The following ADGRV1 variants were observed in gnomAD, a reference collection of about 807,000 sequenced individuals.
ADGRV1 encodes G-protein coupled receptor 98.
Under a neutral mutation model 596.2 loss-of-function variants are expected in ADGRV1, and 359 were observed. The observed-to-expected ratio is 0.60, with a 90% CI of 0.55 to 0.66. ADGRV1 has a LOEUF of 0.66. ADGRV1 is among the 30% of genes least tolerant of loss of function. The probability of loss-of-function intolerance (pLI) is 0.00; values close to 1 mark genes in which losing one functional copy is unlikely to be tolerated. For synonymous variants in ADGRV1, 2,681 were observed against 2,679.2 expected (o/e 1.00, Z -0.02); for missense variants, 7,274 against 7,575.6 (o/e 0.96, Z 1.48).
Position 90,642,927 on chromosome 5 carries a change from A to C in ADGRV1, c.2439A>C (p.Arg813=), listed in dbSNP as rs768849225. The change falls in exon 13 of 90, where the codon CGA becomes CGC. Residue 813 remains arginine, a synonymous_variant. Coordinates refer to ENST00000405460, the MANE Select transcript of ADGRV1 (RefSeq NM_032119.4). ...TTGTTAAGCAGTTTCTACACTACCG[A>C]GTAGAGCCAAGAGATAGCAATGAAT... is the stretch of plus-strand genomic sequence containing the variant. The part of the protein sequence containing the change: ...GSLVKQFLHY[R]VEPRDSNEFY... 2 of 1,613,086 alleles carry C rather than the reference A, an allele frequency of 1.2e-6. No individual in the cohort carries two copies.
chr5:90,935,750 G>A (rs879921082), intron 83 of ADGRV1, among the ~76,000 whole-genome samples: 3 of 152,156 alleles, frequency 2.0e-5, no homozygotes, highest in African/African-American at 4.8e-5. Flanking sequence ...CATATGACTC[G>A]AGGCAGTGTT....
intron 72 of ADGRV1, among the ~76,000 whole-genome samples, chr5:90,807,232 A>G (rs1761993439): frequency 1.3e-5 from 2 of 152,332 alleles, no homozygotes; most frequent in South Asian, 2.1e-4. Context: ...TACATAGATT[A>G]TGATATTTCA....
rs375133154 is a variant in ADGRV1, at chr5:91,031,199, A to G, written c.18153-41248A>G. On this transcript the variant is annotated intron_variant, in intron 85 of 89. Coordinates refer to ENST00000405460, the MANE Select transcript of ADGRV1 (RefSeq NM_032119.4). ...CAAAAAGGCAAGAAGAGTAATCGAG[A>G]TTTCCAGGAGTGTGTCCATGTGGTT... is the stretch of plus-strand genomic sequence containing the variant. The G allele has an allele frequency of 5.2e-6, 8 of 1,537,970 alleles. No homozygotes were observed. The African/African-American group carries it at 6.9e-5, about 13-fold the overall frequency.
At chr5:90,641,816 A>G (rs1767007469) in intron 11 of ADGRV1, among the ~76,000 whole-genome samples, 1 of 152,188 alleles carries the variant, frequency 6.6e-6, no homozygotes, top group African/African-American at 2.4e-5. Context: ...ATAATTCTTA[A>G]GAGCCTGCTG....
rs1161111584 is a variant in ADGRV1, at chr5:90,923,543, T to A, written c.17857-41872T>A. ...GGGGCTCACACACCTCAGACTCTTG[T>A]AGAAGAAAAAAATCAAACAAAACAA... On this transcript the variant is annotated intron_variant, in intron 83 of 89. Transcript: ENST00000405460. 2.0e-5 allele frequency among the ~76,000 whole-genome samples: 3 copies of A among 152,170 alleles called. No individual in the cohort carries two copies. In the East Asian group the frequency reaches 5.8e-4, roughly 29 times the overall value.
At chr5:90,928,478 TC>T (rs1308790750) in intron 83 of ADGRV1, among the ~76,000 whole-genome samples, 1 of 150,358 alleles carries the variant, frequency 6.7e-6, no homozygotes, top group Non-Finnish European at 1.5e-5. Context: ...GGTTTTCAGC[TC>T]CATCAGCTCC....
intron 83 of ADGRV1, among the ~76,000 whole-genome samples, chr5:90,869,269 C>A (rs557339063): frequency 6.6e-6 from 1 of 152,132 alleles, no homozygotes; most frequent in African/African-American, 2.4e-5. Flanking sequence ...AGAACAAGAA[C>A]AAAGACATCT....
At chr5:90,848,934 C>A in intron 79 of ADGRV1, 113 bp downstream of exon 79, 2 of 703,654 alleles carry the variant, frequency 2.8e-6, no homozygotes, top group South Asian at 2.2e-5. Flanking sequence ...ATGATACAGT[C>A]AATGCATTGT....
At chr5:90,682,439 G>C (rs1745064124) in intron 27 of ADGRV1, among the ~76,000 whole-genome samples, 2 of 152,136 alleles carry the variant, frequency 1.3e-5, no homozygotes, top group Admixed American at 6.5e-5. Flanking sequence ...CTAAAACATG[G>C]GTGAACTGGC....
chr5:90,992,632 C>A (rs1231973039), intron 85 of ADGRV1, among the ~76,000 whole-genome samples: 1 of 152,198 alleles, frequency 6.6e-6, no homozygotes, highest in Admixed American at 6.5e-5. Flanking sequence ...CCCAAGACTT[C>A]TTTGTGTAGA....
At chr5:90,586,974 T>A (rs1758833222) in intron 1 of ADGRV1, among the ~76,000 whole-genome samples, 1 of 152,234 alleles carries the variant, frequency 6.6e-6, no homozygotes, top group African/African-American at 2.4e-5. Context: ...GGAGTTTACC[T>A]AGGATAGACA....
intron 70 of ADGRV1, among the ~76,000 whole-genome samples, chr5:90,795,191 A>G (rs552459018): frequency 8.6e-5 from 13 of 151,256 alleles, no homozygotes; most frequent in East Asian, 2.0e-4. Flanking sequence ...CGGGAAGCCA[A>G]GTGGTCTTGC....
chr5:90,938,026 GT>G (rs1190101856), intron 83 of ADGRV1, among the ~76,000 whole-genome samples: 1 of 151,738 alleles, frequency 6.6e-6, no homozygotes, highest in East Asian at 1.9e-4. Context: ...TTTTTGTTCC[GT>G]TTCTGGTTCA....
chr5:90,685,634 AT>A (rs56269260), intron 28 of ADGRV1, 145 bp from the exon 29 acceptor site: 33 of 253,310 alleles, frequency 1.3e-4, no homozygotes, highest in African/African-American at 6.8e-4. Context: ...AAATAAATAA[AT>A]AAATAAAATA....
Position 90,985,510 on chromosome 5 carries a change from T to C in ADGRV1, c.18140T>C (p.Ile6047Thr), listed in dbSNP as rs1271888419. 2 of 1,613,522 alleles carry C rather than the reference T, an allele frequency of 1.2e-6. No homozygotes were observed. The highest frequency in any genetic ancestry group is 1.7e-6 in the Non-Finnish European group (2 of 1,179,582). Residue 6047 changes from isoleucine (I) to threonine (T), a missense_variant, in exon 85 of 90, where the codon ATT becomes ACT. Coordinates refer to ENST00000405460, the MANE Select transcript of ADGRV1 (RefSeq NM_032119.4). Reference sequence around the variant, plus strand: ...AGCATGTCACAGATCTATGGACTCATTCATGGTGACCTGTAAGTACACCCA... The same window carrying C: ...AGCATGTCACAGATCTATGGACTCACTCATGGTGACCTGTAAGTACACCCA... ...HQSMSQIYGL[I>T]HGDLCFIPNV...
chr5:91,022,142 A>G (rs1196373201), intron 85 of ADGRV1, among the ~76,000 whole-genome samples: 2 of 152,112 alleles, frequency 1.3e-5, no homozygotes, highest in Non-Finnish European at 2.9e-5. Context: ...TCCTCCAAAC[A>G]ATTTCATTTT....
chr5:91,079,521 T>C (rs1025409017), intron 86 of ADGRV1, among the ~76,000 whole-genome samples: 3 of 152,218 alleles, frequency 2.0e-5, no homozygotes, highest in Non-Finnish European at 4.4e-5. Flanking sequence ...ATACTGCTCA[T>C]GAAAAACTCC....
chr5:90,946,925 A>G (rs1776628206), intron 83 of ADGRV1, among the ~76,000 whole-genome samples: 1 of 152,188 alleles, frequency 6.6e-6, no homozygotes. Flanking sequence ...CAGTGAACAT[A>G]TGCGTGCATG....
At chr5:90,822,867 A>G (rs1763707654) in intron 75 of ADGRV1, among the ~76,000 whole-genome samples, 1 of 152,034 alleles carries the variant, frequency 6.6e-6, no homozygotes, top group Non-Finnish European at 1.5e-5. Flanking sequence ...TTGGATTCCT[A>G]GGTATTTTAT....
Sources: allele counts gnomAD v4.1 joint callset (sites outside exome capture counted in the v4.1 genomes callset), GRCh38; gene constraint gnomAD v4.1.1; transcripts MANE v1.5; gene names NCBI Gene and HGNC (gene_info 2026-07-23, HGNC 2026-07-21).